Variants in RNF115 observed in about 807,000 individuals in gnomAD.
The protein encoded by RNF115 is ring finger protein 115.
Under a neutral mutation model 39.2 loss-of-function variants are expected in RNF115, and 31 were observed. The ratio of observed to expected loss-of-function variants is 0.79; its 90% CI spans 0.59 to 1.07. RNF115 has a LOEUF of 1.07. RNF115 is among the 50% of genes least tolerant of loss of function. RNF115 has a pLI of 0.00. For synonymous variants in RNF115, 124 were observed against 131.0 expected, an observed-to-expected ratio of 0.95 and a Z score of 0.37; for missense variants, 384 against 381.7, an observed-to-expected ratio of 1.01 and a Z score of -0.05.
In RNF115 at chr1:145,746,963, T is replaced by C. The variant is rs782504911; in HGVS notation, c.818A>G (p.Asn273Ser). 1 of 1,614,028 alleles carries C rather than the reference T, an allele frequency of 6.2e-7. No homozygotes were observed. The highest frequency in any genetic ancestry group is 1.1e-5 in the South Asian group (1 of 91,036). Reference protein sequence around the residue: ...DTCPVCRKSLNGEDSTRQSQS... With the variant: ...DTCPVCRKSLSGEDSTRQSQS... ...GCTTTGCCGAGTAGAGTCCTCACCA[T>C]TTAAGCTCTTCCTACATACAGGACA... is the stretch of plus-strand genomic sequence containing the variant. Residue 273 changes from asparagine to serine, a missense_variant, in exon 9 of 9, where the codon AAT becomes AGT. By Grantham distance (46) the Asn-to-Ser change is conservative (BLOSUM62 1). Transcript: ENST00000582693.
At chr1:145,792,012 G>A (rs189910373) in intron 1 of RNF115, among the ~76,000 whole-genome samples, 9 of 151,976 alleles carry the variant, frequency 5.9e-5, no homozygotes, top group African/African-American at 2.2e-4. Flanking sequence ...GCTCACTGTA[G>A]CCTTGACCTC....
chr1:145,790,847 C>T (rs1456149739), intron 1 of RNF115, among the ~76,000 whole-genome samples: 1 of 151,988 alleles, frequency 6.6e-6, no homozygotes, highest in Non-Finnish European at 1.5e-5. Flanking sequence ...GGTATAGAAA[C>T]TGCTACTTTT....
At chr1:145,768,174 TTCACTCTTCTCCGCTCA>T (rs770247918) in intron 4 of RNF115, among the ~76,000 whole-genome samples, 7 of 152,230 alleles carry the variant, frequency 4.6e-5, no homozygotes, top group Non-Finnish European at 8.8e-5. Flanking sequence ...CTCCTCCACT[TTCACTCTTCTCCGCTCA>T]GATCCTGCCC....
chr1:145,781,689 C>CA (rs587710871), intron 3 of RNF115, among the ~76,000 whole-genome samples: 33 of 152,250 alleles, frequency 2.2e-4, no homozygotes, highest in African/African-American at 7.9e-4. Flanking sequence ...ACAAGAGAGG[C>CA]ACTGAGAGAT....
At chr1:145,778,304 T>C (rs1305377300) in intron 3 of RNF115, among the ~76,000 whole-genome samples, 1 of 152,082 alleles carries the variant, frequency 6.6e-6, no homozygotes, top group East Asian at 1.9e-4. Context: ...AGAAAATAGA[T>C]TGGTGGTTGC....
intron 1 of RNF115, among the ~76,000 whole-genome samples, chr1:145,797,055 G>A (rs10797656): frequency 0.47 from 71,220 of 151,848 alleles, 17,054 homozygotes; most frequent in East Asian, 0.7. Context: ...GAACTGAAAC[G>A]TACCAGATCA....
chr1:145,766,596 C>G (rs12757892), intron 4 of RNF115, among the ~76,000 whole-genome samples: 1 of 149,554 alleles, frequency 6.7e-6, no homozygotes, highest in Non-Finnish European at 1.5e-5. Context: ...CCTCACCTCC[C>G]GGACGGGGCG....
intron 1 of RNF115, among the ~76,000 whole-genome samples, chr1:145,805,582 C>T (rs1466125654): frequency 5.3e-5 from 8 of 152,040 alleles, no homozygotes; most frequent in Non-Finnish European, 1.0e-4. Context: ...CAAGACTGTT[C>T]ATCATTATAA....
chr1:145,784,843 AGAAG>A (rs1193407151), intron 2 of RNF115, among the ~76,000 whole-genome samples: 17 of 152,316 alleles, frequency 1.1e-4, no homozygotes, highest in African/African-American at 4.1e-4. Flanking sequence ...GCCACCATAG[AGAAG>A]GAAGGAGGAC....
Position 145,743,898 on chromosome 1 carries a change from A to G in RNF115, c.*2968T>C, listed in dbSNP as rs587643108. ...CTGGACATCTGAGGTGCCTGCCATT[A>G]TAAGAAGAAACACAACAGATCCATT... On this transcript the variant is annotated 3_prime_UTR_variant, in exon 9 of 9. Transcript: ENST00000582693. 3 of 152,310 alleles carry G rather than the reference A, an allele frequency of 2.0e-5. No homozygotes were observed. Among genetic ancestry groups the G allele is most frequent in the South Asian group, 2.1e-4 (1 of 4,818 alleles). The allele number at this position is 152,310 out of a possible 1,614,324, so 9.4% of individuals were successfully genotyped here.
chr1:145,791,785 C>T (rs896028533), intron 1 of RNF115, among the ~76,000 whole-genome samples: 1 of 151,980 alleles, frequency 6.6e-6, no homozygotes, highest in African/African-American at 2.4e-5. Flanking sequence ...TTAGAGACTG[C>T]CTTATAATAA....
At chr1:145,750,006 C>A (rs1553712237) in intron 7 of RNF115, among the ~76,000 whole-genome samples, 3 of 152,206 alleles carry the variant, frequency 2.0e-5, no homozygotes, top group African/African-American at 7.2e-5. Flanking sequence ...AACTCCCAGC[C>A]TATTTTTTTC....
intron 4 of RNF115, among the ~76,000 whole-genome samples, chr1:145,767,643 G>C (rs1277760282): frequency 2.6e-5 from 4 of 152,174 alleles, no homozygotes; most frequent in Non-Finnish European, 4.4e-5. Flanking sequence ...GGAGGTTGTA[G>C]CGAGCCGAGA....
chr1:145,794,266 T>C (rs1370807898), intron 1 of RNF115, among the ~76,000 whole-genome samples: 2 of 152,162 alleles, frequency 1.3e-5, no homozygotes, highest in Non-Finnish European at 1.5e-5. Context: ...CTTAAAATAT[T>C]TCAATTATTT....
Position 145,750,487 on chromosome 1 carries a change from A to G in RNF115, c.587T>C (p.Leu196Pro), listed in dbSNP as rs1553712326. ...AGCTGGGGGAGGGCCTGTGTTTTCC[A>G]GTTGTCCTAAAAGCTACAAAAAAAG... ...DAIVTQLLGQLENTGPPPADK... is the reference protein window; with the variant it reads ...DAIVTQLLGQPENTGPPPADK... Residue 196 changes from leucine (L) to proline (P), a missense_variant, in exon 7 of 9, where the codon CTG becomes CCG. Coordinates refer to ENST00000582693, the MANE Select transcript of RNF115 (RefSeq NM_014455.4). 1 of 1,613,682 alleles carries G rather than the reference A, an allele frequency of 6.2e-7. No homozygotes were observed.
chr1:145,822,618 G>C (rs1650325565), intron 1 of RNF115, among the ~76,000 whole-genome samples: 1 of 150,438 alleles, frequency 6.6e-6, no homozygotes. Flanking sequence ...CTGGACACTT[G>C]TAAGGAAAGG....
At chr1:145,782,103 C>T (rs1553717506) in intron 3 of RNF115, among the ~76,000 whole-genome samples, 3 of 151,986 alleles carry the variant, frequency 2.0e-5, no homozygotes, top group African/African-American at 7.3e-5. Context: ...TGGGGTTTCA[C>T]CATGTTGGCC....
chr1:145,772,049 G>C, intron 3 of RNF115, 130 bp from the exon 4 acceptor site: 1 of 733,202 alleles, frequency 1.4e-6, no homozygotes, highest in Non-Finnish European at 2.2e-6. Flanking sequence ...AGAGGTACCA[G>C]AGTTTCTATA....
At chr1:145,811,932 T>TACACAC (rs1312542136) in intron 1 of RNF115, among the ~76,000 whole-genome samples, 65 of 74,468 alleles carry the variant, frequency 8.7e-4, no homozygotes, top group African/African-American at 2.3e-3. Flanking sequence ...TATATATATA[T>TACACAC]ACACACACAC....
Sources: gnomAD v4.1 joint callset for allele counts (sites outside exome capture counted in the v4.1 genomes callset) on GRCh38, gnomAD v4.1.1 for gene constraint, MANE v1.5 for transcripts, NCBI Gene and HGNC (gene_info 2026-07-23, HGNC 2026-07-21) for gene names.